The following SNX13 variants were observed in gnomAD, a reference collection of about 807,000 sequenced individuals.
SNX13 encodes the protein sorting nexin 13, also known as sorting nexin-13.
SNX13 carries 45 observed loss-of-function variants against 133.6 expected under a neutral mutation model. The ratio of observed to expected loss-of-function variants is 0.34; its 90% CI spans 0.27 to 0.43. The LOEUF (loss-of-function observed/expected upper bound fraction) is 0.43, where lower values mean the gene tolerates loss of function less well. SNX13 is among the 20% of genes least tolerant of loss of function. The pLI, the probability that SNX13 is intolerant of heterozygous loss-of-function variation, is 1.00. For synonymous variants in SNX13, 414 were observed against 373.9 expected (o/e 1.11, Z -1.24); for missense variants, 1,032 against 1,145.1 (o/e 0.90, Z 1.43).
intron 5 of SNX13, 127 bp downstream of exon 5, chr7:17,890,236 C>T: frequency 1.2e-6 from 1 of 803,690 alleles, no homozygotes; most frequent in Non-Finnish European, 1.8e-6. Context: ...TGGAGTTATC[C>T]CACAGTAATA....
chr7:17,902,661 G>A (rs1797961104), intron 1 of SNX13, among the ~76,000 whole-genome samples: 1 of 152,118 alleles, frequency 6.6e-6, no homozygotes, highest in African/African-American at 2.4e-5. Context: ...ATTATCTCAA[G>A]AGTTGTCCTA....
intron 20 of SNX13, among the ~76,000 whole-genome samples, chr7:17,803,880 T>TAAAA (rs757897385): frequency 1.5e-4 from 12 of 77,742 alleles, no homozygotes; most frequent in East Asian, 7.8e-4. Context: ...ACCCCATCTC[T>TAAAA]AAAAAAAAAA....
chr7:17,867,691 A>C lies in SNX13; in HGVS notation c.837+716T>G, dbSNP rs140664496. Among the ~76,000 whole-genome samples, 540 of 152,286 alleles carry C rather than the reference A, an allele frequency of 3.5e-3. 1 individual carries two copies. Among genetic ancestry groups the C allele is most frequent in the African/African-American group, 0.012 (515 of 41,576 alleles). On this transcript the variant is annotated intron_variant, in intron 9 of 25. Transcript: ENST00000428135. ...CCTAAGGGAAATCAAAGAACAATCA[A>C]GTAATTCTTTCTTAAGAAAGCTACA...
chr7:17,831,413 A>G, intron 15 of SNX13: 2 of 869,400 alleles, frequency 2.3e-6, no homozygotes, highest in Non-Finnish European at 2.8e-6. Flanking sequence ...TCATAACTAA[A>G]GAAAGTAATA....
chr7:17,848,310 A>G (rs1163978679), intron 11 of SNX13, among the ~76,000 whole-genome samples: 1 of 152,088 alleles, frequency 6.6e-6, no homozygotes, highest in Non-Finnish European at 1.5e-5. Flanking sequence ...TCGGCCATAA[A>G]GTCTCCAGCA....
chr7:17,936,112 G>A (rs1043516245), intron 1 of SNX13, among the ~76,000 whole-genome samples: 3 of 152,086 alleles, frequency 2.0e-5, no homozygotes, highest in Non-Finnish European at 2.9e-5. Context: ...TCACCTCCAT[G>A]GTTAAATGAC....
At chr7:17,865,461 C>T (rs2128341766) in intron 9 of SNX13, among the ~76,000 whole-genome samples, 1 of 151,974 alleles carries the variant, frequency 6.6e-6, no homozygotes, top group Non-Finnish European at 1.5e-5. Context: ...CTGTAAAACA[C>T]TGATAAAAGA....
chr7:17,928,037 T>G (rs1800960416), intron 1 of SNX13, among the ~76,000 whole-genome samples: 1 of 152,166 alleles, frequency 6.6e-6, no homozygotes, highest in Admixed American at 6.5e-5. Flanking sequence ...TATTTACAAG[T>G]TTTGACTTCT....
At chr7:17,876,032 T>C (rs1794687886) in intron 5 of SNX13, among the ~76,000 whole-genome samples, 1 of 152,190 alleles carries the variant, frequency 6.6e-6, no homozygotes, top group Non-Finnish European at 1.5e-5. Flanking sequence ...AAAACTACTA[T>C]CTAAAGGTTT....
intron 2 of SNX13, among the ~76,000 whole-genome samples, chr7:17,894,763 T>C (rs1306889371): frequency 6.6e-6 from 1 of 152,166 alleles, no homozygotes; most frequent in East Asian, 1.9e-4. Context: ...AAGACTGTAA[T>C]GACAGGAAGG....
intron 1 of SNX13, among the ~76,000 whole-genome samples, 199 bp from the exon 2 acceptor site, chr7:17,897,645 G>A (rs1797352677): frequency 6.6e-6 from 1 of 152,026 alleles, no homozygotes; most frequent in South Asian, 2.1e-4. Flanking sequence ...TATGTATAGA[G>A]AGATTTACAG....
chr7:17,883,940 C>G (rs923302506), intron 5 of SNX13, among the ~76,000 whole-genome samples: 1 of 152,072 alleles, frequency 6.6e-6, no homozygotes, highest in Non-Finnish European at 1.5e-5. Flanking sequence ...GACAGTTATG[C>G]TCATTTATTT....
chr7:17,824,265 C>A (rs1286670331), intron 17 of SNX13, among the ~76,000 whole-genome samples: 1 of 152,008 alleles, frequency 6.6e-6, no homozygotes, highest in African/African-American at 2.4e-5. Flanking sequence ...AGCAAGATTT[C>A]TCAATGAAGG....
chr7:17,828,522 C>T (rs965095730), intron 16 of SNX13, among the ~76,000 whole-genome samples: 1 of 151,650 alleles, frequency 6.6e-6, no homozygotes, highest in African/African-American at 2.4e-5. Flanking sequence ...ATACCAAACA[C>T]ATTAAATATC....
At chr7:17,876,283 T>C (rs1458058506) in intron 5 of SNX13, among the ~76,000 whole-genome samples, 1 of 152,172 alleles carries the variant, frequency 6.6e-6, no homozygotes, top group Non-Finnish European at 1.5e-5. Context: ...ACACTAGCAC[T>C]TAAAAACTTG....
intron 5 of SNX13, among the ~76,000 whole-genome samples, chr7:17,886,076 G>A (rs1194012089): frequency 1.3e-5 from 2 of 152,136 alleles, no homozygotes; most frequent in Non-Finnish European, 2.9e-5. Flanking sequence ...AACAAGTGTA[G>A]GGATATACCA....
intron 19 of SNX13, among the ~76,000 whole-genome samples, chr7:17,815,663 T>C (rs1786575362): frequency 6.6e-6 from 1 of 152,158 alleles, no homozygotes; most frequent in Non-Finnish European, 1.5e-5. Flanking sequence ...TCAAGTGTTA[T>C]ATGGAAGCCC....
At chr7:17,940,043 G>A (rs1802631318) in intron 1 of SNX13, among the ~76,000 whole-genome samples, 1 of 152,216 alleles carries the variant, frequency 6.6e-6, no homozygotes. Context: ...ACCAGTGCCA[G>A]GGGCGAGTGG....
chr7:17,860,857 T>C (rs1792586778), intron 9 of SNX13, among the ~76,000 whole-genome samples: 1 of 152,208 alleles, frequency 6.6e-6, no homozygotes, highest in Non-Finnish European at 1.5e-5. Flanking sequence ...AGTTAATTAC[T>C]GTAGCTTTGT....
Sources: allele counts gnomAD v4.1 joint callset (sites outside exome capture counted in the v4.1 genomes callset), GRCh38; gene constraint gnomAD v4.1.1; transcripts MANE v1.5; gene names NCBI Gene and HGNC (gene_info 2026-07-23, HGNC 2026-07-21).